The following MAGI2 variants were observed in gnomAD, a reference collection of about 807,000 sequenced individuals.
MAGI2 encodes the protein membrane associated guanylate kinase, WW and PDZ domain containing 2.
A neutral mutation model predicts 133.3 loss-of-function variants in MAGI2; 35 were observed. That is an observed-to-expected ratio of 0.26 (90% CI 0.20 to 0.35). The LOEUF is 0.35. MAGI2 is among the 10% of genes least tolerant of loss of function. The pLI, the probability that MAGI2 is intolerant of heterozygous loss-of-function variation, is 1.00. For missense variants in MAGI2, 1,636 were observed against 1,863.4 expected, an observed-to-expected ratio of 0.88 and a Z score of 2.25; for synonymous variants, 729 against 710.6, an observed-to-expected ratio of 1.03 and a Z score of -0.41.
intron 21 of MAGI2, among the ~76,000 whole-genome samples, chr7:78,041,004 G>A (rs746998722): frequency 6.6e-6 from 1 of 152,096 alleles, no homozygotes; most frequent in Non-Finnish European, 1.5e-5. Context: ...TTGAATGCTC[G>A]TGGCGTGTTG....
At chr7:78,735,265 C>G (rs1367043353) in intron 2 of MAGI2, among the ~76,000 whole-genome samples, 1 of 152,050 alleles carries the variant, frequency 6.6e-6, no homozygotes, top group African/African-American at 2.4e-5. Flanking sequence ...AAGAGAAAGA[C>G]AAGTCACTGC....
chr7:78,068,361 G>A (rs1034386531), intron 21 of MAGI2, among the ~76,000 whole-genome samples: 5 of 152,146 alleles, frequency 3.3e-5, no homozygotes, highest in African/African-American at 1.2e-4. Flanking sequence ...GGACCAGTCA[G>A]GATCTGCAGC....
At chr7:78,615,717 C>A (rs1384661260) in intron 3 of MAGI2, 2 of 152,190 alleles carry the variant, frequency 1.3e-5, no homozygotes, top group Non-Finnish European at 2.9e-5. Flanking sequence ...TTCCTTTTAT[C>A]TACCCATCAT....
chr7:79,002,234 T>C (rs533379811), intron 2 of MAGI2, among the ~76,000 whole-genome samples: 83 of 151,806 alleles, frequency 5.5e-4, no homozygotes, highest in African/African-American at 1.9e-3. Context: ...CGAGCTCAAG[T>C]GATCCTCACA....
intron 1 of MAGI2, among the ~76,000 whole-genome samples, chr7:79,126,539 G>A (rs114737302): frequency 0.015 from 2,288 of 151,984 alleles, 65 homozygotes; most frequent in African/African-American, 0.053. Flanking sequence ...GAGATACAGT[G>A]ACAGAGCCAT....
At chr7:78,775,808 T>C (rs1274488520) in intron 2 of MAGI2, among the ~76,000 whole-genome samples, 4 of 152,242 alleles carry the variant, frequency 2.6e-5, no homozygotes, top group East Asian at 1.9e-4. Context: ...GTGCAGTTTC[T>C]GGATGAAGAC....
intron 13 of MAGI2, among the ~76,000 whole-genome samples, chr7:78,183,807 G>A (rs138478700): frequency 2.5e-3 from 382 of 152,188 alleles, no homozygotes; most frequent in African/African-American, 8.5e-3. Flanking sequence ...GGCTCAAGCT[G>A]TTTTCCCACC....
At chr7:78,264,841 AGGC>A (rs149680956) in intron 9 of MAGI2, among the ~76,000 whole-genome samples, 3,139 of 152,266 alleles carry the variant, frequency 0.021, 98 homozygotes, top group African/African-American at 0.072. Flanking sequence ...AATTCATATA[AGGC>A]ACTGGGAAAT....
Position 79,006,484 on chromosome 7 carries a change from C to T in MAGI2, c.418+606G>A, listed in dbSNP as rs1016391923. 2.6e-5 allele frequency among the ~76,000 whole-genome samples: 4 copies of T among 152,142 alleles called. No homozygotes were observed. In the East Asian group the frequency reaches 7.7e-4, roughly 29 times the overall value. The stretch of plus-strand genomic sequence containing the variant: ...CTGTAACAGACACTAAAAATTGTAT[C>T]ATTTTACCAATTCCTCTCCTTGGAA... On this transcript the variant is annotated intron_variant, in intron 2 of 21. Coordinates refer to ENST00000354212, the MANE Select transcript of MAGI2 (RefSeq NM_012301.4).
intron 2 of MAGI2, among the ~76,000 whole-genome samples, chr7:78,763,001 G>A (rs1824664543): frequency 6.6e-6 from 1 of 152,150 alleles, no homozygotes; most frequent in Non-Finnish European, 1.5e-5. Context: ...GGCAATCTCA[G>A]ACATAGAGCA....
chr7:79,023,658 T>C (rs148721056), intron 1 of MAGI2, among the ~76,000 whole-genome samples: 3 of 152,232 alleles, frequency 2.0e-5, no homozygotes, highest in African/African-American at 7.2e-5. Flanking sequence ...ACAATCAATG[T>C]ACAAAAATCA....
At position 79,324,476 on chromosome 7, in the gene MAGI2, GTATATATACA is replaced by G. The variant is rs200180669; in HGVS notation, c.301+128534_301+128543del. Among the ~76,000 whole-genome samples the G allele has an allele frequency of 9.6e-3, 313 of 32,524 alleles. 71 individuals carry two copies. The highest frequency in any genetic ancestry group is 0.029 in the African/African-American group (237 of 8,124). 21.3% of individuals were successfully genotyped at this position (32,524 alleles called of 152,430 possible). On this transcript the variant is annotated intron_variant, in intron 1 of 21. Coordinates refer to ENST00000354212, the MANE Select transcript of MAGI2 (RefSeq NM_012301.4). ...GGTTATAGATAGATACGTTGTGTGT[GTATATATACA>G]TATATATACATATATACACATATAA...
In MAGI2 at chr7:78,489,834, G is replaced by A; in HGVS notation, c.972C>T (p.Asn324=). ...EKGEVYFIDH[N]TKTTSWLDPR... ...GATCCAGCCATGATGTTGTCTTTGT[G>A]TTATGGCTGAAAAGAAAAGAGATCA... The change falls in exon 6 of 22, where the codon AAC becomes AAT. Residue 324 remains asparagine (N), a synonymous_variant. Coordinates refer to ENST00000354212, the MANE Select transcript of MAGI2 (RefSeq NM_012301.4). 1 of 1,611,610 alleles carries A rather than the reference G, an allele frequency of 6.2e-7. No homozygotes were observed. Among genetic ancestry groups the A allele is most frequent in the Non-Finnish European group, 8.5e-7 (1 of 1,178,564 alleles).
intron 2 of MAGI2, among the ~76,000 whole-genome samples, chr7:78,851,227 CA>C (rs1170103777): frequency 2.8e-5 from 4 of 142,674 alleles, no homozygotes; most frequent in Admixed American, 1.4e-4. Flanking sequence ...ATTTTCTTGC[CA>C]CCTTCAATTT....
chr7:78,424,920 G>A lies in MAGI2; in HGVS notation c.1046-55707C>T, dbSNP rs983205747. Among the ~76,000 whole-genome samples, 4 of 152,284 alleles carry A rather than the reference G, an allele frequency of 2.6e-5. No individual in the cohort carries two copies. The South Asian group carries it at 8.3e-4, about 32-fold the overall frequency. On this transcript the variant is annotated intron_variant, in intron 6 of 21. Coordinates refer to ENST00000354212, the MANE Select transcript of MAGI2 (RefSeq NM_012301.4). The stretch of plus-strand genomic sequence containing the variant: ...AGAAGGGACTTGTCTTGTTTAAGAT[G>A]AGACTTTGGACTATGGACTTTTGAG...
At chr7:78,572,102 T>A (rs948341888) in intron 3 of MAGI2, among the ~76,000 whole-genome samples, 3 of 152,118 alleles carry the variant, frequency 2.0e-5, no homozygotes, top group African/African-American at 7.2e-5. Context: ...TAAAACTAAA[T>A]AAGAGGCAAT....
intron 1 of MAGI2, among the ~76,000 whole-genome samples, chr7:79,361,707 AT>A (rs869298559): frequency 6.6e-6 from 1 of 152,128 alleles, no homozygotes; most frequent in South Asian, 2.1e-4. Context: ...AATGTCAATG[AT>A]TTTTTTTAAA....
intron 10 of MAGI2, among the ~76,000 whole-genome samples, chr7:78,217,320 T>G (rs547711421): frequency 4.0e-4 from 61 of 152,334 alleles, no homozygotes; most frequent in African/African-American, 1.4e-3. Context: ...CCTATGGGTT[T>G]AATTTCCTGA....
intron 2 of MAGI2, among the ~76,000 whole-genome samples, chr7:78,853,739 G>A (rs1279455124): frequency 6.6e-6 from 1 of 151,806 alleles, no homozygotes; most frequent in African/African-American, 2.4e-5. Flanking sequence ...AAAGTAAAAA[G>A]TTTACATTAG....
Sources: allele counts gnomAD v4.1 joint callset (sites outside exome capture counted in the v4.1 genomes callset), GRCh38; gene constraint gnomAD v4.1.1; transcripts MANE v1.5; gene names NCBI Gene and HGNC (gene_info 2026-07-23, HGNC 2026-07-21).